OSBPL10: variants seen among roughly 807,000 people sequenced by gnomAD.
The protein encoded by OSBPL10 is oxysterol-binding protein-related protein 10.
A neutral mutation model predicts 81.7 loss-of-function variants in OSBPL10; 49 were observed. The observed-to-expected ratio is 0.60, with a 90% CI of 0.48 to 0.76. The LOEUF is 0.76. Among genes scored for constraint, OSBPL10 ranks in the 30% least tolerant of loss-of-function variants. The pLI, the probability that OSBPL10 is intolerant of heterozygous loss-of-function variation, is 0.00. For synonymous variants in OSBPL10, 419 were observed against 383.6 expected (o/e 1.09, Z -1.08); for missense variants, 923 against 987.8 (o/e 0.93, Z 0.88).
At chr3:32,072,892 C>T (rs1048926325) in intron 1 of OSBPL10, among the ~76,000 whole-genome samples, 2 of 152,104 alleles carry the variant, frequency 1.3e-5, no homozygotes, top group African/African-American at 4.8e-5. Flanking sequence ...TTTGGCCTTC[C>T]CACCTCTATA....
intron 2 of OSBPL10, among the ~76,000 whole-genome samples, chr3:32,024,576 C>A (rs890450062): frequency 6.6e-6 from 1 of 150,698 alleles, no homozygotes; most frequent in Admixed American, 6.6e-5. Context: ...CTGCAACCTC[C>A]ACCTCCCAGG....
chr3:32,058,876 A>G (rs1280771074), intron 1 of OSBPL10, among the ~76,000 whole-genome samples: 1 of 152,142 alleles, frequency 6.6e-6, no homozygotes, highest in African/African-American at 2.4e-5. Flanking sequence ...TTTGGTAGAG[A>G]TAGCTTCTCG....
chr3:31,811,424 A>G (rs1344335637), intron 4 of OSBPL10, among the ~76,000 whole-genome samples: 1 of 152,206 alleles, frequency 6.6e-6, no homozygotes, highest in Non-Finnish European at 1.5e-5. Context: ...TTTCCCCATG[A>G]GGCCTGCAGG....
At chr3:31,913,868 G>C (rs1406045934) in intron 1 of OSBPL10, among the ~76,000 whole-genome samples, 1 of 152,132 alleles carries the variant, frequency 6.6e-6, no homozygotes, top group African/African-American at 2.4e-5. Flanking sequence ...GGAGAACCAA[G>C]AACTAACCAG....
At chr3:31,755,805 A>G (rs1018324393) in intron 4 of OSBPL10, among the ~76,000 whole-genome samples, 2 of 152,208 alleles carry the variant, frequency 1.3e-5, no homozygotes. Context: ...TGTTGAGGGC[A>G]AAAGGTAAAT....
At chr3:31,959,289 A>C (rs961305425) in intron 1 of OSBPL10, among the ~76,000 whole-genome samples, 1 of 152,214 alleles carries the variant, frequency 6.6e-6, no homozygotes, top group Non-Finnish European at 1.5e-5. Context: ...CACTATAAAC[A>C]GTGTACTATC....
At chr3:32,057,229 C>T (rs767000739) in intron 1 of OSBPL10, among the ~76,000 whole-genome samples, 11 of 152,148 alleles carry the variant, frequency 7.2e-5, no homozygotes, top group Non-Finnish European at 1.5e-4. Flanking sequence ...ATGGAGTAGC[C>T]ATTCTTTTAT....
At chr3:31,760,977 T>C (rs1698019270) in intron 4 of OSBPL10, among the ~76,000 whole-genome samples, 1 of 152,208 alleles carries the variant, frequency 6.6e-6, no homozygotes, top group Non-Finnish European at 1.5e-5. Context: ...GCTAAGTTTT[T>C]TTTTTTTATA....
chr3:31,860,767 C>G (rs1038562444), intron 3 of OSBPL10, among the ~76,000 whole-genome samples: 22 of 152,076 alleles, frequency 1.4e-4, no homozygotes, highest in Non-Finnish European at 2.9e-4. Context: ...CCTCCGTCTC[C>G]TGGGTTCAAG....
chr3:31,876,295 G>A, intron 3 of OSBPL10, 138 bp downstream of exon 3: 2 of 686,330 alleles, frequency 2.9e-6, no homozygotes, highest in Non-Finnish European at 5.1e-6. Context: ...TTTATGTGCA[G>A]CAGGACAAGT....
At chr3:31,874,565 T>C (rs368488632) in intron 3 of OSBPL10, among the ~76,000 whole-genome samples, 1 of 152,156 alleles carries the variant, frequency 6.6e-6, no homozygotes, top group Non-Finnish European at 1.5e-5. Flanking sequence ...AGGATATAAA[T>C]TGGCAGTTTG....
At chr3:31,823,107 T>C (rs1700020056) in intron 4 of OSBPL10, among the ~76,000 whole-genome samples, 1 of 151,878 alleles carries the variant, frequency 6.6e-6, no homozygotes, top group Non-Finnish European at 1.5e-5. Context: ...GGTCACATAG[T>C]CATCTAGATG....
chr3:31,829,661 G>A (rs1165599289), intron 4 of OSBPL10, among the ~76,000 whole-genome samples: 1 of 152,022 alleles, frequency 6.6e-6, no homozygotes, highest in African/African-American at 2.4e-5. Context: ...GAAAACAGGG[G>A]GTATCTGCGT....
At chr3:31,775,953 G>A (rs1396091945) in intron 4 of OSBPL10, among the ~76,000 whole-genome samples, 2 of 152,072 alleles carry the variant, frequency 1.3e-5, no homozygotes, top group African/African-American at 2.4e-5. Context: ...GAATTCCAAG[G>A]AGCACAATGA....
At chr3:31,789,826 C>CA (rs1185395941) in intron 4 of OSBPL10, among the ~76,000 whole-genome samples, 1 of 152,058 alleles carries the variant, frequency 6.6e-6, no homozygotes, top group Non-Finnish European at 1.5e-5. Context: ...GACTATGCAC[C>CA]AAAAATAAAG....
At chr3:32,042,161 T>C (rs1699582169) in intron 2 of OSBPL10, among the ~76,000 whole-genome samples, 1 of 152,186 alleles carries the variant, frequency 6.6e-6, no homozygotes, top group South Asian at 2.1e-4. Flanking sequence ...TAGCCAGTAT[T>C]AGCCACCAGA....
chr3:31,685,636 C>T (rs562805027), intron 7 of OSBPL10, among the ~76,000 whole-genome samples: 3 of 152,290 alleles, frequency 2.0e-5, no homozygotes, highest in African/African-American at 7.2e-5. Context: ...AGCGAGTTGA[C>T]CAATACCATG....
chr3:31,726,792 C>T (rs1324961415), intron 6 of OSBPL10, among the ~76,000 whole-genome samples: 1 of 151,924 alleles, frequency 6.6e-6, no homozygotes, highest in Non-Finnish European at 1.5e-5. Context: ...CTGCACCACA[C>T]CTGGAACCAC....
intron 2 of OSBPL10, chr3:31,990,369 A>G (rs1346278779): frequency 6.2e-6 from 10 of 1,614,122 alleles, no homozygotes; most frequent in Non-Finnish European, 8.5e-6. Context: ...AGTGTAATAA[A>G]TGTGGCAAAT....
Sources: gnomAD v4.1 joint callset for allele counts (sites outside exome capture counted in the v4.1 genomes callset) on GRCh38, gnomAD v4.1.1 for gene constraint, MANE v1.5 for transcripts, NCBI Gene and HGNC (gene_info 2026-07-23, HGNC 2026-07-21) for gene names.